Variants in COPS2 observed in about 807,000 individuals in gnomAD.
COPS2 encodes COP9 signalosome subunit 2.
In COPS2, 10 loss-of-function variants were observed where a neutral mutation model predicts 66.1. That is an observed-to-expected ratio of 0.15 (90% CI 0.09 to 0.26). The LOEUF (loss-of-function observed/expected upper bound fraction) is 0.26. Ranked by LOEUF, COPS2 falls within the 10% of genes least tolerant of loss-of-function variation. The probability of loss-of-function intolerance (pLI) is 1.00; values close to 1 mark genes in which losing one functional copy is unlikely to be tolerated. For missense variants in COPS2, 215 were observed against 513.3 expected (o/e 0.42, Z 5.62); for synonymous variants, 179 against 171.3 (o/e 1.04, Z -0.35).
At chr15:49,143,875 A>C (rs1277285441) in intron 3 of COPS2, among the ~76,000 whole-genome samples, 1 of 152,006 alleles carries the variant, frequency 6.6e-6, no homozygotes, top group East Asian at 1.9e-4. Context: ...AGTTCCAGCT[A>C]CTCAGGAGGC....
At chr15:49,142,969 G>C (rs2084298969) in intron 3 of COPS2, among the ~76,000 whole-genome samples, 1 of 152,126 alleles carries the variant, frequency 6.6e-6, no homozygotes, top group Non-Finnish European at 1.5e-5. Flanking sequence ...AGATCACATG[G>C]TGACATATGC....
chr15:49,129,632 C>T, intron 10 of COPS2, 73 bp from the exon 11 acceptor site: 2 of 636,098 alleles, frequency 3.1e-6, no homozygotes, highest in South Asian at 3.1e-5. Context: ...ATTATGTACT[C>T]CTAATTATCT....
rs2084177409 is a variant in COPS2 at position 49,127,599 on chromosome 15, T to C, written c.*351A>G. ...TGAGAGAATTTCTGCAGGTAAAACATGTTTAAATTTAACCAACAGTAGCGT... is the reference window on the plus strand; with the variant it reads ...TGAGAGAATTTCTGCAGGTAAAACACGTTTAAATTTAACCAACAGTAGCGT... On this transcript the variant is annotated 3_prime_UTR_variant, in exon 13 of 13. Coordinates refer to ENST00000388901, the MANE Select transcript of COPS2 (RefSeq NM_004236.4). The C allele has an allele frequency of 5.7e-6, 1 of 175,886 alleles. No individual in the cohort carries two copies. The highest frequency in any genetic ancestry group is 1.2e-5 in the Non-Finnish European group (1 of 83,924). 10.9% of individuals were successfully genotyped at this position (175,886 alleles called of 1,614,324 possible).
intron 3 of COPS2, among the ~76,000 whole-genome samples, chr15:49,140,726 C>T (rs1421574768): frequency 6.6e-6 from 1 of 152,040 alleles, no homozygotes; most frequent in Admixed American, 6.5e-5. Context: ...TGCTGTTAAC[C>T]TCTCTTTTTA....
Position 49,137,160 on chromosome 15 carries a change from T to A in COPS2, c.530A>T (p.Gln177Leu). ...KLQKILRQLH[Q>L]SCQTDDGEDD... ...ATAAGGGAAAGCTACCTGGCACGACTGATGTAACTGGCGTAAAATTTTTTG... is the reference window on the plus strand; with the variant it reads ...ATAAGGGAAAGCTACCTGGCACGACAGATGTAACTGGCGTAAAATTTTTTG... The change falls in exon 6 of 13, where the codon CAG (glutamine) becomes CTG (leucine). Residue 177 changes from glutamine to leucine, a missense_variant. Physicochemically the swap from Gln to Leu is moderately radical, Grantham distance 113. Around this residue, in one of 5 missense-constraint regions of COPS2, gnomAD observed 90 missense variants for 225.1 expected, o/e 0.40. Transcript: ENST00000388901. 6.3e-7 allele frequency: 1 copy of A among 1,594,990 alleles called. No individual in the cohort carries two copies. The highest frequency in any genetic ancestry group is 8.5e-7 in the Non-Finnish European group (1 of 1,172,256).
intron 1 of COPS2, among the ~76,000 whole-genome samples, chr15:49,152,961 C>A (rs1036691884): frequency 1.3e-5 from 2 of 152,162 alleles, no homozygotes; most frequent in African/African-American, 2.4e-5. Context: ...TAATCAAGTA[C>A]TTCATGGGAC....
rs545993108 is a variant in COPS2 at position 49,127,695 on chromosome 15, T to C, written c.*255A>G. ...TTGCCCATGACAAATTACTATGATGTTGTACGTTTAGGGCAAGATGTCAAT... is the reference window on the plus strand; with the variant it reads ...TTGCCCATGACAAATTACTATGATGCTGTACGTTTAGGGCAAGATGTCAAT... On this transcript the variant is annotated 3_prime_UTR_variant, in exon 13 of 13. Coordinates refer to ENST00000388901, the MANE Select transcript of COPS2 (RefSeq NM_004236.4). 1.7e-4 allele frequency: 58 copies of C among 332,188 alleles called. 1 individual carries two copies. Among genetic ancestry groups the C allele is most frequent in the African/African-American group, 1.1e-3 (54 of 47,198 alleles). The allele number at this position is 332,188 out of a possible 1,614,324, so 20.6% of individuals were successfully genotyped here.
intron 12 of COPS2, 59 bp from the exon 13 acceptor site, chr15:49,128,153 A>G: frequency 6.5e-7 from 1 of 1,532,480 alleles, no homozygotes; most frequent in Non-Finnish European, 8.9e-7. Flanking sequence ...CAGTTTCTGG[A>G]TTAATGTTTC....
chr15:49,149,479 T>C (rs1348071481), intron 1 of COPS2, among the ~76,000 whole-genome samples: 1 of 152,236 alleles, frequency 6.6e-6, no homozygotes, highest in Non-Finnish European at 1.5e-5. Context: ...GAGCTTTGTA[T>C]GTTAAAACAG....
intron 3 of COPS2, among the ~76,000 whole-genome samples, chr15:49,140,932 C>A (rs1237779424): frequency 2.6e-5 from 4 of 151,616 alleles, no homozygotes; most frequent in Non-Finnish European, 5.9e-5. Context: ...GAGAACAATC[C>A]CTGAAACCTA....
At chr15:49,144,428 C>T (rs2084308248) in intron 2 of COPS2, 124 bp from the exon 3 acceptor site, 5 of 580,586 alleles carry the variant, frequency 8.6e-6, no homozygotes, top group Non-Finnish European at 1.5e-5. Context: ...CCCAAGGATA[C>T]CACCATTTCT....
intron 2 of COPS2, among the ~76,000 whole-genome samples, 155 bp downstream of exon 2, chr15:49,144,810 C>T (rs531755375): frequency 2.0e-5 from 3 of 152,240 alleles, no homozygotes; most frequent in Admixed American, 6.5e-5. Flanking sequence ...TCAGGATAAC[C>T]GTTTTGAAAC....
intron 1 of COPS2, among the ~76,000 whole-genome samples, chr15:49,154,125 A>G (rs2084386349): frequency 1.3e-5 from 2 of 152,196 alleles, no homozygotes; most frequent in Non-Finnish European, 2.9e-5. Context: ...TGTGCATGTA[A>G]CGAAACCCCC....
At chr15:49,141,298 A>T (rs543386568) in intron 3 of COPS2, among the ~76,000 whole-genome samples, 112 of 152,228 alleles carry the variant, frequency 7.4e-4, no homozygotes, top group African/African-American at 2.6e-3. Context: ...GGAGTTTGAG[A>T]CCAGCCTGAG....
At chr15:49,144,734 GC>G (rs1227453606) in intron 2 of COPS2, among the ~76,000 whole-genome samples, 2 of 152,154 alleles carry the variant, frequency 1.3e-5, no homozygotes, top group Non-Finnish European at 2.9e-5. Context: ...TGGTTCTTCT[GC>G]CAGAACCATC....
intron 9 of COPS2, among the ~76,000 whole-genome samples, chr15:49,131,964 AAT>A (rs2084212837): frequency 6.6e-6 from 1 of 152,188 alleles, no homozygotes; most frequent in Admixed American, 6.5e-5. Context: ...GGATATAATA[AAT>A]TTATAAATGT....
intron 3 of COPS2, among the ~76,000 whole-genome samples, chr15:49,141,153 G>T (rs192592428): frequency 6.6e-6 from 1 of 152,134 alleles, no homozygotes; most frequent in African/African-American, 2.4e-5. Flanking sequence ...AGAGAAATAC[G>T]ACTATCCTAA....
intron 10 of COPS2, 80 bp downstream of exon 10, chr15:49,130,639 T>C (rs2084200863): frequency 1.3e-6 from 1 of 781,370 alleles, no homozygotes; most frequent in Non-Finnish European, 2.2e-6. Flanking sequence ...AACAGCTTAA[T>C]GCCATGCAGC....
In COPS2 at chr15:49,139,535, G is replaced by A. The variant is rs1418483204; in HGVS notation, c.365C>T (p.Ser122Phe). Residue 122 changes from serine (S) to phenylalanine (F), a missense_variant, in exon 4 of 13, where the codon TCT (serine) becomes TTT (phenylalanine). Physicochemically the swap from Ser to Phe is radical, Grantham distance 155. Coordinates refer to ENST00000388901, the MANE Select transcript of COPS2 (RefSeq NM_004236.4). ...INSILDYIST[S>F]KQMDLLQEFY... ...GGGAAAATTGAGTCTAACCTGTTTA[G>A]AAGTAGAGATATAATCAAGAATAGA... is the stretch of plus-strand genomic sequence containing the variant. 6.3e-7 allele frequency: 1 copy of A among 1,595,562 alleles called. No homozygotes were observed. Among genetic ancestry groups the A allele is most frequent in the South Asian group, 1.1e-5 (1 of 90,356 alleles).
Sources: allele counts gnomAD v4.1 joint callset (sites outside exome capture counted in the v4.1 genomes callset), GRCh38; gene constraint gnomAD v4.1.1; regional missense constraint gnomAD v4.1.1; transcripts MANE v1.5; gene names NCBI Gene and HGNC (gene_info 2026-07-23, HGNC 2026-07-21).